ROCK2: variants seen among roughly 807,000 people sequenced by gnomAD.
The protein encoded by ROCK2 is rho-associated protein kinase 2.
In ROCK2, 61 loss-of-function variants were observed where a neutral mutation model predicts 195.1. That is an observed-to-expected ratio of 0.31 (90% CI 0.25 to 0.39). ROCK2 has a LOEUF of 0.39. Ranked by LOEUF, ROCK2 falls within the 10% of genes least tolerant of loss-of-function variation. The pLI, the probability that ROCK2 is intolerant of heterozygous loss-of-function variation, is 1.00. For synonymous variants in ROCK2, 504 were observed against 545.5 expected (o/e 0.92, Z 1.06); for missense variants, 1,109 against 1,637.4 (o/e 0.68, Z 5.57).
chr2:11,329,080 A>T (rs529274456), intron 1 of ROCK2, among the ~76,000 whole-genome samples: 27 of 110,554 alleles, frequency 2.4e-4, no homozygotes, highest in East Asian at 7.1e-4. Context: ...TAATTTTTTT[A>T]AAAATGCAAA....
At chr2:11,274,011 C>T (rs1383377210) in intron 3 of ROCK2, among the ~76,000 whole-genome samples, 1 of 149,652 alleles carries the variant, frequency 6.7e-6, no homozygotes, top group Admixed American at 6.6e-5. Flanking sequence ...ACACAAATAA[C>T]CAACGAATCA....
chr2:11,193,195 G>A (rs1663498661), intron 30 of ROCK2, among the ~76,000 whole-genome samples: 1 of 152,144 alleles, frequency 6.6e-6, no homozygotes, highest in African/African-American at 2.4e-5. Context: ...AAAAGAAAGA[G>A]GAAAGGATGT....
At chr2:11,198,187 T>C (rs931769194) in intron 25 of ROCK2, among the ~76,000 whole-genome samples, 4 of 152,188 alleles carry the variant, frequency 2.6e-5, no homozygotes, top group African/African-American at 9.7e-5. Flanking sequence ...ACTTTTCAGG[T>C]TGTCAGCAAA....
intron 29 of ROCK2, 21 bp downstream of exon 29, chr2:11,194,234 AT>A: frequency 9.3e-7 from 1 of 1,076,168 alleles, no homozygotes; most frequent in Non-Finnish European, 1.3e-6. Context: ...TAGTTTCTAA[AT>A]ATTCTAACAA....
At chr2:11,324,357 G>A (rs187584408) in intron 1 of ROCK2, among the ~76,000 whole-genome samples, 72 of 152,242 alleles carry the variant, frequency 4.7e-4, no homozygotes, top group Middle Eastern at 3.4e-3. Flanking sequence ...CCCAGGAGGC[G>A]GAGGTTGCAG....
At chr2:11,227,151 C>T (rs1572270470) in intron 6 of ROCK2, 103 bp downstream of exon 6, 1 of 1,084,684 alleles carries the variant, frequency 9.2e-7, no homozygotes, top group East Asian at 2.5e-5. Flanking sequence ...TCTAATTCTT[C>T]CCTACGACAA....
chr2:11,225,792 C>T (rs576404270), intron 6 of ROCK2, among the ~76,000 whole-genome samples: 43 of 152,234 alleles, frequency 2.8e-4, no homozygotes, highest in Non-Finnish European at 4.0e-4. Context: ...GATGGGAGAA[C>T]GGACAGCTAC....
Position 11,218,444 on chromosome 2 carries a change from C to T in ROCK2, c.1332+11G>A, listed in dbSNP as rs751084045. The T allele has an allele frequency of 1.0e-5, 16 of 1,555,752 alleles. No individual in the cohort carries two copies. In the East Asian group the frequency reaches 3.4e-4, roughly 33 times the overall value. On this transcript the variant is annotated intron_variant, in intron 11 of 32. Coordinates refer to ENST00000315872, the MANE Select transcript of ROCK2 (RefSeq NM_004850.5). ...CTCAGTTTTTCAATATATCTGACAACATCAACATACCTCTTGACTTTCCTA... is the reference window on the plus strand; with the variant it reads ...CTCAGTTTTTCAATATATCTGACAATATCAACATACCTCTTGACTTTCCTA...
chr2:11,208,130 A>G (rs1546597), intron 19 of ROCK2, among the ~76,000 whole-genome samples, 157 bp downstream of exon 19: 61,444 of 151,446 alleles, frequency 0.41, 13,700 homozygotes, highest in Admixed American at 0.52. Flanking sequence ...TGTTTAAATT[A>G]TGATTCCTTT....
chr2:11,299,593 T>A (rs1667643565), intron 1 of ROCK2, among the ~76,000 whole-genome samples: 1 of 151,288 alleles, frequency 6.6e-6, no homozygotes, highest in Admixed American at 6.6e-5. Flanking sequence ...CACTTAGGGA[T>A]ACAGCAGAGG....
intron 1 of ROCK2, among the ~76,000 whole-genome samples, chr2:11,341,596 T>C (rs1572432518): frequency 2.0e-5 from 3 of 152,220 alleles, no homozygotes; most frequent in African/African-American, 7.2e-5. Context: ...ATCTTAGGTA[T>C]ATACTATTTT....
At chr2:11,206,110 CAA>C (rs535915394) in intron 20 of ROCK2, among the ~76,000 whole-genome samples, 3 of 139,512 alleles carry the variant, frequency 2.2e-5, no homozygotes, top group African/African-American at 2.6e-5. Context: ...ACTCCATCTC[CAA>C]AAAAAAAAAG....
chr2:11,189,473 G>C lies in ROCK2; in HGVS notation c.4163+2675C>G, dbSNP rs140984599. Among the ~76,000 whole-genome samples the C allele has an allele frequency of 5.9e-5, 9 of 152,204 alleles. No individual in the cohort carries two copies. In the East Asian group the frequency reaches 1.7e-3, roughly 29 times the overall value. Reference sequence around the variant, plus strand: ...AGATTTACAATTTGCCTCTCTGATTGGTTCTTCTTCTAATACATCTTCCAA... The same window carrying C: ...AGATTTACAATTTGCCTCTCTGATTCGTTCTTCTTCTAATACATCTTCCAA... On this transcript the variant is annotated intron_variant, in intron 32 of 32. Transcript: ENST00000315872.
chr2:11,241,242 G>A (rs527356242), intron 4 of ROCK2, among the ~76,000 whole-genome samples: 1 of 152,182 alleles, frequency 6.6e-6, no homozygotes, highest in East Asian at 1.9e-4. Flanking sequence ...AGATACTGTA[G>A]AAGAGAAGAT....
At position 11,192,538 on chromosome 2, in the gene ROCK2, G is replaced by A; in HGVS notation, c.3862C>T (p.Pro1288Ser). Residue 1288 changes from proline to serine, a missense_variant, in exon 31 of 33, where the codon CCT (proline) becomes TCT (serine). Pro to Ser is a moderately conservative substitution (Grantham distance 74). This residue lies in a region of ROCK2 where 221 missense variants were observed against 355.1 expected (regional missense o/e 0.62). Transcript: ENST00000315872. This position sits in a 1 kb window ranked among gnomAD's most constrained non-coding sequence, Gnocchi z 5.0. ...MKPLWHMFKP[P>S]PALECRRCHI... ...CAACGGCGGCACTCCAAAGCAGGAG[G>A]AGGCTTAAACATGTGCCACAGGGGC... is the stretch of plus-strand genomic sequence containing the variant. 6.2e-7 allele frequency: 1 copy of A among 1,614,138 alleles called. No individual in the cohort carries two copies. Among genetic ancestry groups the A allele is most frequent in the Non-Finnish European group, 8.5e-7 (1 of 1,180,026 alleles).
intron 1 of ROCK2, among the ~76,000 whole-genome samples, chr2:11,292,471 A>T (rs921442969): frequency 6.6e-6 from 1 of 152,234 alleles, no homozygotes; most frequent in Non-Finnish European, 1.5e-5. Flanking sequence ...AGAATAGCTT[A>T]TATGTAACAG....
intron 20 of ROCK2, among the ~76,000 whole-genome samples, chr2:11,206,924 A>G (rs1664073099): frequency 6.6e-6 from 1 of 152,142 alleles, no homozygotes; most frequent in Non-Finnish European, 1.5e-5. Context: ...AATATTCACA[A>G]CTCAGTCTGT....
At chr2:11,284,281 T>G (rs894773208) in intron 3 of ROCK2, among the ~76,000 whole-genome samples, 5 of 152,162 alleles carry the variant, frequency 3.3e-5, no homozygotes, top group African/African-American at 9.7e-5. Flanking sequence ...AGAGGATTTT[T>G]GGGGCAATGA....
chr2:11,184,682 G>A (rs963582599), intron 32 of ROCK2: 2 of 984,470 alleles, frequency 2.0e-6, no homozygotes, highest in Non-Finnish European at 2.4e-6. Context: ...TATTTCTTCA[G>A]AAATCAAAAA....
Sources: gnomAD v4.1 joint callset for allele counts (sites outside exome capture counted in the v4.1 genomes callset) on GRCh38, gnomAD v4.1.1 for gene constraint, gnomAD v4.1.1 regional missense constraint, Gnocchi (gnomAD v3.1) non-coding constraint, MANE v1.5 for transcripts, NCBI Gene and HGNC (gene_info 2026-07-23, HGNC 2026-07-21) for gene names.